RALGAPA1: variants seen among roughly 807,000 people sequenced by gnomAD.
RALGAPA1 encodes ral GTPase-activating protein subunit alpha-1.
RALGAPA1 carries 52 observed loss-of-function variants against 269.6 expected under a neutral mutation model. That is an observed-to-expected ratio of 0.19 (90% CI 0.15 to 0.24). The LOEUF (loss-of-function observed/expected upper bound fraction) is 0.24, where lower values mean the gene tolerates loss of function less well. RALGAPA1 is among the 10% of genes least tolerant of loss of function. The pLI is 1.00. For synonymous variants in RALGAPA1, 817 were observed against 1,008.3 expected (o/e 0.81, Z 3.60); for missense variants, 1,917 against 3,013.9 (o/e 0.64, Z 8.52).
At chr14:35,807,284 G>A (rs1249612101) in intron 1 of RALGAPA1, among the ~76,000 whole-genome samples, 3 of 151,952 alleles carry the variant, frequency 2.0e-5, no homozygotes, top group African/African-American at 2.4e-5. Flanking sequence ...TCCTATTCTC[G>A]GCTAAATCTT....
chr14:35,692,619 G>T (rs140890408), intron 17 of RALGAPA1, among the ~76,000 whole-genome samples: 1 of 149,728 alleles, frequency 6.7e-6, no homozygotes, highest in Admixed American at 6.7e-5. Context: ...TTGTAGTACC[G>T]GAGAATTTAA....
chr14:35,693,896 G>A (rs1364406402), intron 17 of RALGAPA1, among the ~76,000 whole-genome samples: 2 of 151,986 alleles, frequency 1.3e-5, no homozygotes, highest in South Asian at 2.1e-4. Flanking sequence ...AGTTTCCTGT[G>A]TTAGTTTGAA....
intron 33 of RALGAPA1, among the ~76,000 whole-genome samples, chr14:35,629,292 TG>T (rs2061187552): frequency 1.3e-5 from 2 of 151,610 alleles, no homozygotes; most frequent in Non-Finnish European, 2.9e-5. Flanking sequence ...GGTGTGTGTG[TG>T]TGTGTGTGTG....
intron 1 of RALGAPA1, among the ~76,000 whole-genome samples, chr14:35,784,118 C>G (rs2075641521): frequency 1.3e-5 from 2 of 150,360 alleles, no homozygotes; most frequent in African/African-American, 4.9e-5. Context: ...GCAAAAGTGT[C>G]TCATCTCTAT....
chr14:35,591,486 T>G (rs555510279), intron 37 of RALGAPA1, among the ~76,000 whole-genome samples: 1 of 152,078 alleles, frequency 6.6e-6, no homozygotes, highest in Non-Finnish European at 1.5e-5. Context: ...TGGCTAATTT[T>G]TAAATTTTTG....
intron 31 of RALGAPA1, among the ~76,000 whole-genome samples, chr14:35,636,146 G>A (rs2061652548): frequency 6.6e-6 from 1 of 151,768 alleles, no homozygotes; most frequent in African/African-American, 2.4e-5. Context: ...CTTGGGCTCA[G>A]GCAATATTCC....
intron 17 of RALGAPA1, among the ~76,000 whole-genome samples, chr14:35,696,559 A>C (rs960947007): frequency 6.6e-6 from 1 of 152,066 alleles, no homozygotes; most frequent in African/African-American, 2.4e-5. Context: ...GGAACAAATA[A>C]GGTACTTAGA....
intron 30 of RALGAPA1, among the ~76,000 whole-genome samples, chr14:35,652,561 C>T (rs191907923): frequency 9.2e-5 from 14 of 152,054 alleles, no homozygotes; most frequent in Middle Eastern, 6.8e-3. Context: ...TGGGCCACCA[C>T]GCCCAGCTAA....
At chr14:35,711,687 C>T (rs1485054065) in intron 16 of RALGAPA1, among the ~76,000 whole-genome samples, 1 of 152,096 alleles carries the variant, frequency 6.6e-6, no homozygotes, top group African/African-American at 2.4e-5. Flanking sequence ...GCTCAAGCAA[C>T]TCCAGCCACC....
At chr14:35,585,308 A>G (rs568051554) in intron 37 of RALGAPA1, among the ~76,000 whole-genome samples, 286 of 152,356 alleles carry the variant, frequency 1.9e-3, no homozygotes, top group African/African-American at 6.7e-3. Flanking sequence ...AATGGAATTA[A>G]ATTAGAAATC....
At chr14:35,585,415 A>AT in intron 37 of RALGAPA1, among the ~76,000 whole-genome samples, 1 of 145,712 alleles carries the variant, frequency 6.9e-6, no homozygotes, top group African/African-American at 2.6e-5. Context: ...CTCAAGAGAA[A>AT]TTAAGAAATA....
At chr14:35,795,737 G>A (rs1441117537) in intron 1 of RALGAPA1, among the ~76,000 whole-genome samples, 4 of 151,914 alleles carry the variant, frequency 2.6e-5, no homozygotes, top group South Asian at 2.1e-4. Flanking sequence ...CACTTTGGGA[G>A]GCCAAGGTGG....
intron 28 of RALGAPA1, among the ~76,000 whole-genome samples, chr14:35,657,098 G>T (rs1205541196): frequency 6.6e-6 from 1 of 151,986 alleles, no homozygotes; most frequent in East Asian, 1.9e-4. Flanking sequence ...TCCACAAGAT[G>T]TCAAAATAAT....
intron 21 of RALGAPA1, among the ~76,000 whole-genome samples, chr14:35,681,333 T>C (rs751913515): frequency 1.3e-5 from 2 of 152,234 alleles, no homozygotes; most frequent in African/African-American, 2.4e-5. Context: ...TGATTAAGAT[T>C]AGAATGCCTA....
chr14:35,672,876 A>G lies in RALGAPA1; in HGVS notation c.5064T>C (p.His1688=), dbSNP rs2064595707. The G allele has an allele frequency of 6.5e-7, 1 of 1,542,546 alleles. No individual in the cohort carries two copies. The highest frequency in any genetic ancestry group is 1.4e-5 in the African/African-American group (1 of 71,350). Residue 1688 remains histidine (H), a synonymous_variant, in exon 25 of 42, where the codon CAT becomes CAC. Coordinates refer to ENST00000680220, the MANE Select transcript of RALGAPA1 (RefSeq NM_001346249.2). Reference sequence around the variant, plus strand: ...ATATATATATAGTTACCTGGTCAATATGAAGTAATCCACAATGCATTATAT... The same window carrying G: ...ATATATATATAGTTACCTGGTCAATGTGAAGTAATCCACAATGCATTATAT... ...FYNIMHCGLL[H]IDQDIVNTII...
Position 35,738,497 on chromosome 14 carries a change from C to A in RALGAPA1, c.1587+16G>T. ...ATGATTATTTTATTTTTAAAAATAG[C>A]CATAAAGTGATCCACCTGCAAAACT... On this transcript the variant is annotated intron_variant, in intron 12 of 41. Transcript: ENST00000680220. The A allele has an allele frequency of 6.3e-7, 1 of 1,576,666 alleles. No homozygotes were observed. Among genetic ancestry groups the A allele is most frequent in the South Asian group, 1.2e-5 (1 of 84,010 alleles).
intron 1 of RALGAPA1, among the ~76,000 whole-genome samples, chr14:35,805,115 ATC>A (rs1180026858): frequency 2.0e-5 from 3 of 151,228 alleles, no homozygotes; most frequent in Non-Finnish European, 4.4e-5. Flanking sequence ...GTGAAACCCC[ATC>A]TCTATTAGGA....
chr14:35,752,498 T>C (rs2072811398), intron 7 of RALGAPA1, among the ~76,000 whole-genome samples: 1 of 152,106 alleles, frequency 6.6e-6, no homozygotes, highest in African/African-American at 2.4e-5. Flanking sequence ...CATAAGCATA[T>C]GTGGCAGGGG....
chr14:35,784,264 C>T (rs1217323112), intron 1 of RALGAPA1, among the ~76,000 whole-genome samples: 3 of 151,990 alleles, frequency 2.0e-5, no homozygotes, highest in Non-Finnish European at 4.4e-5. Flanking sequence ...ATGGTATAAT[C>T]CATACAATGA....
Sources: allele counts gnomAD v4.1 joint callset (sites outside exome capture counted in the v4.1 genomes callset), GRCh38; gene constraint gnomAD v4.1.1; transcripts MANE v1.5; gene names NCBI Gene and HGNC (gene_info 2026-07-23, HGNC 2026-07-21).